FNDC3B: variants seen among roughly 807,000 people sequenced by gnomAD.
The protein encoded by FNDC3B is fibronectin type III domain-containing protein 3B.
In FNDC3B, 12 loss-of-function variants were observed where a neutral mutation model predicts 151.5. The ratio of observed to expected loss-of-function variants is 0.08; its 90% CI spans 0.05 to 0.13. The LOEUF (loss-of-function observed/expected upper bound fraction) is 0.13, where lower values mean the gene tolerates loss of function less well. Ranked by LOEUF, FNDC3B falls within the 10% of genes least tolerant of loss-of-function variation. The probability of loss-of-function intolerance (pLI) is 1.00; values close to 1 mark genes in which losing one functional copy is unlikely to be tolerated. For missense variants in FNDC3B, 1,214 were observed against 1,505.3 expected (o/e 0.81, Z 3.20); for synonymous variants, 528 against 549.0 (o/e 0.96, Z 0.54).
chr3:172,058,115 T>G (rs955689124), intron 1 of FNDC3B, among the ~76,000 whole-genome samples: 2 of 152,238 alleles, frequency 1.3e-5, no homozygotes, highest in African/African-American at 2.4e-5. Flanking sequence ...TGTGGACGTT[T>G]TAACCACATG....
chr3:172,112,680 G>A (rs1286765878), intron 2 of FNDC3B, 90 bp downstream of exon 2: 4 of 911,566 alleles, frequency 4.4e-6, no homozygotes, highest in Non-Finnish European at 7.3e-6. Context: ...TCAAAGGTTT[G>A]TGATTTCAAA....
chr3:172,296,484 C>T (rs923978363), intron 8 of FNDC3B, among the ~76,000 whole-genome samples: 2 of 152,314 alleles, frequency 1.3e-5, no homozygotes, highest in Non-Finnish European at 2.9e-5. Context: ...CTTCCCTGGA[C>T]GCCCTCAGGA....
intron 25 of FNDC3B, among the ~76,000 whole-genome samples, chr3:172,393,228 G>A (rs1237715609): frequency 6.6e-6 from 1 of 152,128 alleles, no homozygotes; most frequent in African/African-American, 2.4e-5. Flanking sequence ...CCAAAAGAAA[G>A]CAGGGATAGC....
At chr3:172,298,550 G>C (rs1260604386) in intron 8 of FNDC3B, among the ~76,000 whole-genome samples, 178 bp from the exon 9 acceptor site, 1 of 152,130 alleles carries the variant, frequency 6.6e-6, no homozygotes, top group Non-Finnish European at 1.5e-5. Context: ...AAAAGAACCT[G>C]ATTTTCTAGT....
intron 23 of FNDC3B, among the ~76,000 whole-genome samples, chr3:172,365,720 C>T (rs1358235454): frequency 1.3e-5 from 2 of 152,188 alleles, no homozygotes; most frequent in Non-Finnish European, 2.9e-5. Context: ...TATAAACAGG[C>T]ATTGTGGGCC....
intron 4 of FNDC3B, among the ~76,000 whole-genome samples, chr3:172,243,442 A>AAGG (rs1305156008): frequency 1.3e-5 from 2 of 152,068 alleles, no homozygotes; most frequent in Admixed American, 6.5e-5. Context: ...GGTGGAAGGC[A>AAGG]AGGAGGACCA....
intron 9 of FNDC3B, among the ~76,000 whole-genome samples, chr3:172,303,540 G>T (rs978752654): frequency 6.6e-6 from 1 of 152,132 alleles, no homozygotes; most frequent in Admixed American, 6.6e-5. Context: ...ATTTAGCCAG[G>T]ATTTAAGCTG....
chr3:172,096,654 A>G (rs1006265888), intron 1 of FNDC3B, among the ~76,000 whole-genome samples: 22 of 101,564 alleles, frequency 2.2e-4, no homozygotes, highest in African/African-American at 8.0e-4. Context: ...ATTGATTATA[A>G]TCTGTAGCCC....
At chr3:172,338,981 C>T (rs1490407219) in intron 16 of FNDC3B, among the ~76,000 whole-genome samples, 3 of 152,090 alleles carry the variant, frequency 2.0e-5, no homozygotes, top group Non-Finnish European at 4.4e-5. Flanking sequence ...TCGTGATCCA[C>T]CCACCTCGGT....
Position 172,051,313 on chromosome 3 carries a change from CTTCTAGCACTTTATCTG to C in FNDC3B, c.-29+11544_-29+11560del, listed in dbSNP as rs879816447. On this transcript the variant is annotated intron_variant, in intron 1 of 25. Coordinates refer to ENST00000415807, the MANE Select transcript of FNDC3B (RefSeq NM_022763.4). Reference sequence around the variant, plus strand: ...CCTAACTTAACATTTTCTTAAATATCTTCTAGCACTTTATCTGTACTTTTCAGAAGACTTGACTTTTT... The same window carrying C: ...CCTAACTTAACATTTTCTTAAATATCTACTTTTCAGAAGACTTGACTTTTT... 2.4e-4 allele frequency among the ~76,000 whole-genome samples: 36 copies of C among 151,640 alleles called. No individual in the cohort carries two copies. The Middle Eastern group carries it at 0.01, about 43-fold the overall frequency.
At chr3:172,301,675 A>G (rs1465771835) in intron 9 of FNDC3B, 2 of 152,250 alleles carry the variant, frequency 1.3e-5, no homozygotes, top group East Asian at 3.8e-4. Context: ...CCCAGGCAAC[A>G]TAATGAGACC....
In FNDC3B at chr3:172,125,746, C is replaced by T. The variant is rs1356769804; in HGVS notation, c.112-7725C>T. Among the ~76,000 whole-genome samples, 38 of 152,174 alleles carry T rather than the reference C, an allele frequency of 2.5e-4. 1 individual carries two copies. Among genetic ancestry groups the T allele is most frequent in the Non-Finnish European group, 4.6e-4 (31 of 68,042 alleles). ...AAAAGGAAAGAAAATGGCCACTTCG[C>T]GTCACAGGTATTTCTTAAATCTCTC... On this transcript the variant is annotated intron_variant, in intron 2 of 25. Coordinates refer to ENST00000415807, the MANE Select transcript of FNDC3B (RefSeq NM_022763.4).
At chr3:172,220,448 A>G (rs1472817139) in intron 3 of FNDC3B, among the ~76,000 whole-genome samples, 2 of 152,026 alleles carry the variant, frequency 1.3e-5, no homozygotes, top group Non-Finnish European at 2.9e-5. Flanking sequence ...ATTTGTAAAT[A>G]TTTTTCCCAT....
At chr3:172,304,167 A>G (rs1731076091) in intron 9 of FNDC3B, among the ~76,000 whole-genome samples, 1 of 152,128 alleles carries the variant, frequency 6.6e-6, no homozygotes, top group East Asian at 1.9e-4. Flanking sequence ...CAGCCTAGGA[A>G]GTATGGATTG....
At chr3:172,043,487 C>A (rs1305546561) in intron 1 of FNDC3B, among the ~76,000 whole-genome samples, 1 of 152,150 alleles carries the variant, frequency 6.6e-6, no homozygotes, top group African/African-American at 2.4e-5. Flanking sequence ...GCTGGTACTA[C>A]AGGTGTGCAC....
chr3:172,242,733 C>G (rs1441955795), intron 4 of FNDC3B, among the ~76,000 whole-genome samples: 2 of 152,246 alleles, frequency 1.3e-5, no homozygotes, highest in Non-Finnish European at 2.9e-5. Context: ...CTGACATACC[C>G]TGGAGACATT....
At chr3:172,364,893 T>A (rs1382096150) in intron 23 of FNDC3B, among the ~76,000 whole-genome samples, 4 of 152,244 alleles carry the variant, frequency 2.6e-5, no homozygotes, top group African/African-American at 9.6e-5. Context: ...AAATTTATCT[T>A]TTTAAATTAG....
chr3:172,184,075 TA>T (rs529483148), intron 3 of FNDC3B, among the ~76,000 whole-genome samples: 1 of 152,180 alleles, frequency 6.6e-6, no homozygotes, highest in South Asian at 2.1e-4. Context: ...AAGTAATTTA[TA>T]AAGTAAATAC....
intron 8 of FNDC3B, among the ~76,000 whole-genome samples, 173 bp downstream of exon 8, chr3:172,295,687 A>C (rs1730568486): frequency 6.6e-6 from 1 of 152,220 alleles, no homozygotes. Context: ...AGTAATTCTT[A>C]TTTGGAAATG....
Sources: allele counts gnomAD v4.1 joint callset (sites outside exome capture counted in the v4.1 genomes callset), GRCh38; gene constraint gnomAD v4.1.1; transcripts MANE v1.5; gene names NCBI Gene and HGNC (gene_info 2026-07-23, HGNC 2026-07-21).